Variants in DLGAP1 observed in about 807,000 individuals in gnomAD.
DLGAP1 encodes DLG associated protein 1, also known as disks large-associated protein 1.
In DLGAP1, 11 loss-of-function variants were observed where a neutral mutation model predicts 90.8. That is an observed-to-expected ratio of 0.12 (90% CI 0.08 to 0.20). DLGAP1 has a LOEUF of 0.20. Ranked by LOEUF, DLGAP1 falls within the 10% of genes least tolerant of loss-of-function variation. DLGAP1 has a pLI of 1.00. For synonymous variants in DLGAP1, 558 were observed against 540.7 expected (o/e 1.03, Z -0.44); for missense variants, 1,050 against 1,333.8 (o/e 0.79, Z 3.31).
intron 2 of DLGAP1, among the ~76,000 whole-genome samples, chr18:4,027,407 G>A (rs2074718327): frequency 6.7e-6 from 1 of 148,366 alleles, no homozygotes; most frequent in Non-Finnish European, 1.5e-5. Context: ...TCGAGAGGCT[G>A]AGGCAGGAGG....
chr18:4,057,492 A>C (rs1341739044), intron 2 of DLGAP1, among the ~76,000 whole-genome samples: 1 of 152,200 alleles, frequency 6.6e-6, no homozygotes, highest in African/African-American at 2.4e-5. Flanking sequence ...TCAGGGGAGA[A>C]GGATCGCAAT....
intron 2 of DLGAP1, among the ~76,000 whole-genome samples, chr18:4,042,508 T>A (rs1022119164): frequency 2.0e-5 from 3 of 152,132 alleles, no homozygotes; most frequent in Non-Finnish European, 4.4e-5. Flanking sequence ...GAGGCCAAGG[T>A]CTGCCGATCA....
At chr18:4,139,972 C>T (rs962075801) in intron 2 of DLGAP1, among the ~76,000 whole-genome samples, 2 of 151,908 alleles carry the variant, frequency 1.3e-5, no homozygotes, top group Admixed American at 1.3e-4. Flanking sequence ...CTTTTCCCAT[C>T]CCTTTATTTT....
chr18:4,048,447 T>C (rs2075087106), intron 2 of DLGAP1, among the ~76,000 whole-genome samples: 1 of 152,196 alleles, frequency 6.6e-6, no homozygotes, highest in Admixed American at 6.5e-5. Flanking sequence ...AGCTTGCAGT[T>C]TGCCAAATCT....
chr18:4,291,764 G>T (rs1487075999), intron 1 of DLGAP1, among the ~76,000 whole-genome samples: 1 of 152,044 alleles, frequency 6.6e-6, no homozygotes, highest in East Asian at 1.9e-4. Context: ...GTCTACTAAG[G>T]TGCCAATCCT....
At chr18:3,867,320 T>C (rs1189602807) in intron 4 of DLGAP1, among the ~76,000 whole-genome samples, 1 of 152,190 alleles carries the variant, frequency 6.6e-6, no homozygotes, top group African/African-American at 2.4e-5. Flanking sequence ...AGTTGTCTCA[T>C]TGTAAACTGA....
At chr18:4,197,053 A>G (rs1459940107) in intron 1 of DLGAP1, among the ~76,000 whole-genome samples, 3 of 151,712 alleles carry the variant, frequency 2.0e-5, no homozygotes, top group Non-Finnish European at 4.4e-5. Flanking sequence ...GGCGCCTGTA[A>G]TTCCAGCTAC....
chr18:3,901,118 C>A (rs900611824), intron 3 of DLGAP1, among the ~76,000 whole-genome samples: 5 of 152,126 alleles, frequency 3.3e-5, no homozygotes, highest in Admixed American at 6.5e-5. Flanking sequence ...ACCTGGGCTG[C>A]AACCACCAAA....
intron 1 of DLGAP1, among the ~76,000 whole-genome samples, chr18:4,389,305 A>G (rs2082294880): frequency 6.6e-6 from 1 of 152,226 alleles, no homozygotes; most frequent in Admixed American, 6.5e-5. Context: ...AGTGTCTAGA[A>G]TAGTCAAATT....
intron 2 of DLGAP1, among the ~76,000 whole-genome samples, chr18:4,116,824 T>C (rs960061805): frequency 5.3e-5 from 8 of 152,214 alleles, no homozygotes; most frequent in African/African-American, 1.7e-4. Flanking sequence ...TGTGATGTCA[T>C]TGTCTGCTAA....
chr18:4,265,689 C>CT (rs1308217814), intron 1 of DLGAP1, among the ~76,000 whole-genome samples: 1 of 124,704 alleles, frequency 8.0e-6, no homozygotes, highest in African/African-American at 3.2e-5. Context: ...TCCTTCCTTC[C>CT]TTCCTTCCTT....
intron 3 of DLGAP1, among the ~76,000 whole-genome samples, chr18:3,931,764 G>A (rs529967631): frequency 1.3e-5 from 2 of 152,214 alleles, no homozygotes; most frequent in Admixed American, 1.3e-4. Flanking sequence ...TTTTTTAAAT[G>A]TAAGGTAATT....
intron 7 of DLGAP1, chr18:3,596,555 C>CTT (rs35616000): frequency 8.2e-4 from 158 of 191,844 alleles, no homozygotes; most frequent in South Asian, 1.9e-3. Context: ...GTTAGGAGAA[C>CTT]TTTTTTTTTT....
At chr18:4,254,903 T>C (rs2078857015) in intron 1 of DLGAP1, among the ~76,000 whole-genome samples, 1 of 152,132 alleles carries the variant, frequency 6.6e-6, no homozygotes, top group South Asian at 2.1e-4. Flanking sequence ...AGACAGTCTG[T>C]AGTAAGGTGC....
chr18:3,778,637 G>A (rs1369827291), intron 5 of DLGAP1, among the ~76,000 whole-genome samples: 2 of 152,148 alleles, frequency 1.3e-5, no homozygotes, highest in Admixed American at 6.5e-5. Context: ...CGGCAAGTGG[G>A]GAGAGATTCA....
chr18:3,752,013 A>G (rs2063519231), intron 5 of DLGAP1, among the ~76,000 whole-genome samples: 1 of 150,224 alleles, frequency 6.7e-6, no homozygotes, highest in East Asian at 2.0e-4. Context: ...CCTCCCAGGT[A>G]GCTGGGATTA....
At chr18:4,106,647 A>AG (rs1240134383) in intron 2 of DLGAP1, among the ~76,000 whole-genome samples, 1 of 152,240 alleles carries the variant, frequency 6.6e-6, no homozygotes, top group Non-Finnish European at 1.5e-5. Context: ...TCACAAAGCA[A>AG]GGCGCTGCCT....
intron 2 of DLGAP1, among the ~76,000 whole-genome samples, chr18:4,026,920 G>C (rs1464026509): frequency 1.3e-5 from 2 of 152,228 alleles, no homozygotes; most frequent in Non-Finnish European, 2.9e-5. Flanking sequence ...AATTGTACAG[G>C]TGGTGGCTCA....
chr18:4,395,899 C>T (rs77184851), intron 1 of DLGAP1, among the ~76,000 whole-genome samples: 5,273 of 152,182 alleles, frequency 0.035, 144 homozygotes, highest in African/African-American at 0.071. Context: ...AAGACAAATT[C>T]AACATCACTT....
Sources: gnomAD v4.1 joint callset for allele counts (sites outside exome capture counted in the v4.1 genomes callset) on GRCh38, gnomAD v4.1.1 for gene constraint, MANE v1.5 for transcripts, NCBI Gene and HGNC (gene_info 2026-07-23, HGNC 2026-07-21) for gene names.